FRMPD4: variants seen among roughly 807,000 people sequenced by gnomAD.
FRMPD4 encodes the protein FERM and PDZ domain containing 4, also known as FERM and PDZ domain-containing protein 4.
Under a neutral mutation model 94.1 loss-of-function variants are expected in FRMPD4, and 22 were observed. The observed-to-expected ratio is 0.23, with a 90% CI of 0.17 to 0.33. The LOEUF (loss-of-function observed/expected upper bound fraction) is 0.33, where lower values mean the gene tolerates loss of function less well. Among genes scored for constraint, FRMPD4 ranks in the 10% least tolerant of loss-of-function variants. The pLI is 1.00. For missense variants in FRMPD4, 1,111 were observed against 1,339.9 expected, an observed-to-expected ratio of 0.83 and a Z score of 2.67; for synonymous variants, 631 against 548.6, an observed-to-expected ratio of 1.15 and a Z score of -2.10.
At chrX:12,053,067 A>G (rs1464413283) in intron 3 of FRMPD4, among the ~76,000 whole-genome samples, 1 of 110,803 alleles carries the variant, frequency 9.0e-6, no homozygotes, top group African/African-American at 3.3e-5. Flanking sequence ...GTCAGATGCA[A>G]TGACTCATGC....
At chrX:12,100,967 C>T (rs2055250971) in intron 3 of FRMPD4, among the ~76,000 whole-genome samples, 1 of 112,399 alleles carries the variant, frequency 8.9e-6, no homozygotes, top group South Asian at 3.7e-4. Context: ...GGACATATCT[C>T]ACAGCTCTTA....
At chrX:12,443,243 T>C (rs778060548) in intron 1 of FRMPD4, among the ~76,000 whole-genome samples, 49 of 112,179 alleles carry the variant, frequency 4.4e-4, no homozygotes, top group African/African-American at 1.6e-3. Flanking sequence ...ATGTAAATCA[T>C]ATCTCAATAA....
At chrX:12,280,919 G>A (rs1474478762) in intron 1 of FRMPD4, among the ~76,000 whole-genome samples, 3 of 111,648 alleles carry the variant, frequency 2.7e-5, no homozygotes, top group Non-Finnish European at 5.6e-5. Context: ...CTTGATGCTG[G>A]CTCCTTCCCA....
At chrX:12,557,953 A>G (rs149878813) in intron 2 of FRMPD4, among the ~76,000 whole-genome samples, 1 of 112,366 alleles carries the variant, frequency 8.9e-6, no homozygotes, top group Non-Finnish European at 1.9e-5. Context: ...TGAGTTAGGC[A>G]TCTTTTGCCA....
chrX:12,708,238 G>A (rs1431234885), intron 13 of FRMPD4, among the ~76,000 whole-genome samples: 2 of 110,707 alleles, frequency 1.8e-5, no homozygotes, highest in African/African-American at 6.6e-5. Context: ...TTGGGAGGCC[G>A]AGGCGGGCGG....
At chrX:12,460,482 T>C (rs953057701) in intron 1 of FRMPD4, among the ~76,000 whole-genome samples, 4 of 112,085 alleles carry the variant, frequency 3.6e-5, no homozygotes, top group African/African-American at 1.3e-4. Flanking sequence ...TGTGCAGATA[T>C]CTAGTTGTTC....
intron 1 of FRMPD4, among the ~76,000 whole-genome samples, chrX:12,216,925 C>CGG (rs1161976723): frequency 1.8e-5 from 2 of 111,676 alleles, no homozygotes; most frequent in Non-Finnish European, 3.8e-5. Context: ...TTCTTTCCTC[C>CGG]CTGTGTCTAA....
At chrX:12,057,691 GCCA>G (rs2054862266) in intron 3 of FRMPD4, among the ~76,000 whole-genome samples, 1 of 111,136 alleles carries the variant, frequency 9.0e-6, no homozygotes, top group Non-Finnish European at 1.9e-5. Context: ...TCATCAGGTT[GCCA>G]CCAAGAGGGT....
intron 1 of FRMPD4, among the ~76,000 whole-genome samples, chrX:12,408,105 C>G (rs1368334065): frequency 2.8e-5 from 3 of 107,781 alleles, no homozygotes; most frequent in Non-Finnish European, 5.8e-5. Flanking sequence ...GGTGGCTAGA[C>G]AAGATGGTGG....
Position 11,945,960 on chromosome X carries a change from A to G in FRMPD4, c.95+67942A>G, listed in dbSNP as rs371275781. Among the ~76,000 whole-genome samples, 8 of 112,118 alleles carry G rather than the reference A, an allele frequency of 7.1e-5. No individual in the cohort carries two copies. In the East Asian group the frequency reaches 2.0e-3, roughly 27 times the overall value. On this transcript the variant is annotated intron_variant, in intron 3 of 18. Transcript: ENST00000640291. ...CCCTAGCATTTAAGATCATGGCTAC[A>G]CTGCCTCTACATCTAATTTTGCAAA...
intron 1 of FRMPD4, among the ~76,000 whole-genome samples, chrX:11,849,963 A>C (rs747027832): frequency 2.5e-4 from 28 of 112,222 alleles, no homozygotes; most frequent in Non-Finnish European, 3.0e-4. Flanking sequence ...TGTGCATCAA[A>C]GGACACAATC....
chrX:11,964,710 T>A (rs1457477938), intron 3 of FRMPD4, among the ~76,000 whole-genome samples: 1 of 112,763 alleles, frequency 8.9e-6, no homozygotes, highest in Admixed American at 9.3e-5. Flanking sequence ...TAAGATTATG[T>A]CCTGTGTCAG....
At chrX:12,265,134 A>G (rs2054252478) in intron 1 of FRMPD4, among the ~76,000 whole-genome samples, 1 of 112,262 alleles carries the variant, frequency 8.9e-6, no homozygotes, top group Non-Finnish European at 1.9e-5. Context: ...CCTTGGAGTC[A>G]TCTGGGAACC....
At chrX:12,286,868 G>A (rs1381350121) in intron 1 of FRMPD4, among the ~76,000 whole-genome samples, 4 of 111,232 alleles carry the variant, frequency 3.6e-5, no homozygotes, top group Admixed American at 2.9e-4. Flanking sequence ...AAGTGATAAC[G>A]CTCTTTGGCA....
rs141131203 is a variant in FRMPD4 at position 12,642,462 on chromosome X, G to A, written c.422+27581G>A. Among the ~76,000 whole-genome samples, 80 of 112,180 alleles carry A rather than the reference G, an allele frequency of 7.1e-4. No homozygotes were observed. The East Asian group carries it at 0.022, about 30-fold the overall frequency. ...AACAAGAGTGATATTGCAGTTCCTG[G>A]CCAGCCAAGGGGAAAGAGGTGTGAA... is the stretch of plus-strand genomic sequence containing the variant. On this transcript the variant is annotated intron_variant, in intron 4 of 16. Transcript: ENST00000675598.
intron 1 of FRMPD4, among the ~76,000 whole-genome samples, chrX:12,416,777 C>CA (rs2056806760): frequency 9.0e-6 from 1 of 111,411 alleles, no homozygotes; most frequent in South Asian, 3.7e-4. Context: ...TGTTAAAAAT[C>CA]AAAAAATGCT....
chrX:12,516,359 G>T (rs113280310), intron 2 of FRMPD4, among the ~76,000 whole-genome samples: 1,800 of 111,839 alleles, frequency 0.016, 41 homozygotes, highest in African/African-American at 0.056. Context: ...TCCATATTTA[G>T]TGCTTCTTTC....
chrX:12,219,866 G>A (rs1431153893), intron 1 of FRMPD4, among the ~76,000 whole-genome samples: 1 of 112,091 alleles, frequency 8.9e-6, no homozygotes, highest in Non-Finnish European at 1.9e-5. Flanking sequence ...CCTGCACCAG[G>A]TGCCATGTCT....
intron 1 of FRMPD4, among the ~76,000 whole-genome samples, chrX:12,231,008 TA>T (rs371412204): frequency 6.3e-5 from 3 of 47,543 alleles, no homozygotes; most frequent in African/African-American, 2.2e-4. Flanking sequence ...ATATAATATA[TA>T]GTATATATAG....
Sources: allele counts gnomAD v4.1 joint callset (sites outside exome capture counted in the v4.1 genomes callset), GRCh38; gene constraint gnomAD v4.1.1; transcripts MANE v1.5; gene names NCBI Gene and HGNC (gene_info 2026-07-23, HGNC 2026-07-21).